BBS7: variants seen among roughly 807,000 people sequenced by gnomAD.
BBS7 encodes the protein BBSome complex member BBS7.
In BBS7, 50 loss-of-function variants were observed where a neutral mutation model predicts 90.3. The observed-to-expected ratio is 0.55, with a 90% confidence interval of 0.44 to 0.70. BBS7 has a LOEUF of 0.70. Ranked by LOEUF, BBS7 falls within the 30% of genes least tolerant of loss-of-function variation. The pLI is 0.00. For missense variants in BBS7, 729 were observed against 838.9 expected (o/e 0.87, Z 1.62); for synonymous variants, 235 against 287.4 (o/e 0.82, Z 1.85).
Position 121,870,426 on chromosome 4 carries a change from G to T in BBS7, c.-113C>A, listed in dbSNP as rs1015194177. Reference sequence around the variant, plus strand: ...GGCTGCCCGCGCCCCTCAAAAGCCAGCCCCAGCTACCGCGCCTAGGTCCTG... The same window carrying T: ...GGCTGCCCGCGCCCCTCAAAAGCCATCCCCAGCTACCGCGCCTAGGTCCTG... On this transcript the variant is annotated 5_prime_UTR_variant, in exon 1 of 19. In the 5' UTR this introduces an upstream ATG that the reference lacks. Transcript: ENST00000264499. The T allele has an allele frequency of 3.1e-6, 4 of 1,275,730 alleles. No homozygotes were observed. The highest frequency in any genetic ancestry group is 4.5e-6 in the Non-Finnish European group (4 of 886,466). 79.0% of individuals were successfully genotyped at this position (1,275,730 alleles called of 1,614,324 possible).
At chr4:121,870,198 C>T (rs1727509406) in intron 1 of BBS7, 80 bp downstream of exon 1, 1 of 1,591,656 alleles carries the variant, frequency 6.3e-7, no homozygotes, top group Non-Finnish European at 8.6e-7. Context: ...GCGACCGAGA[C>T]TTTCGTCAGT....
At chr4:121,858,485 G>C (rs1726802104) in intron 5 of BBS7, 1 of 158,996 alleles carries the variant, frequency 6.3e-6, no homozygotes, top group South Asian at 1.8e-4. Flanking sequence ...GCCAATCGTG[G>C]TTTTTACCAG....
At chr4:121,863,091 A>G in intron 3 of BBS7, 126 bp downstream of exon 3, 1 of 874,272 alleles carries the variant, frequency 1.1e-6, no homozygotes, top group Non-Finnish European at 1.9e-6. Context: ...TATCTCACAT[A>G]ACTACTTACC....
At chr4:121,857,417 C>A (rs1726742445) in intron 5 of BBS7, among the ~76,000 whole-genome samples, 1 of 152,218 alleles carries the variant, frequency 6.6e-6, no homozygotes, top group Middle Eastern at 3.4e-3. Context: ...CTGTGCCCAG[C>A]CTGTTTTATC....
At chr4:121,852,066 G>A (rs972200326) in intron 8 of BBS7, among the ~76,000 whole-genome samples, 4 of 152,218 alleles carry the variant, frequency 2.6e-5, no homozygotes, top group African/African-American at 9.6e-5. Flanking sequence ...TGCATCATTA[G>A]CAGGATGACT....
chr4:121,857,387 G>A (rs558825910), intron 5 of BBS7, among the ~76,000 whole-genome samples: 81 of 152,058 alleles, frequency 5.3e-4, no homozygotes, highest in Non-Finnish European at 9.7e-4. Flanking sequence ...CCAAAGTGCT[G>A]GGGTAATAGG....
In BBS7 at chr4:121,825,806, T is replaced by C. The variant is rs1724877369; in HGVS notation, c.*54A>G. On this transcript the variant is annotated 3_prime_UTR_variant, in exon 19 of 19. Coordinates refer to ENST00000264499, the MANE Select transcript of BBS7 (RefSeq NM_176824.3). ...ACACAGTTAACTTCTAATTCTCTTT[T>C]AACATTTTTCATTTAAACAGACCAC... is the stretch of plus-strand genomic sequence containing the variant. 1 of 1,578,980 alleles carries C rather than the reference T, an allele frequency of 6.3e-7. No individual in the cohort carries two copies. Among genetic ancestry groups the C allele is most frequent in the South Asian group, 1.1e-5 (1 of 89,094 alleles).
At chr4:121,850,252 C>A (rs1380512632) in intron 8 of BBS7, among the ~76,000 whole-genome samples, 2 of 151,806 alleles carry the variant, frequency 1.3e-5, no homozygotes, top group Non-Finnish European at 2.9e-5. Flanking sequence ...GCAGCCTGGA[C>A]CTCACAGGTT....
At position 121,828,506 on chromosome 4, in the gene BBS7, C is replaced by G; in HGVS notation, c.1787-1G>C. 10 of 1,611,272 alleles carry G rather than the reference C, an allele frequency of 6.2e-6. No homozygotes were observed. Among genetic ancestry groups the G allele is most frequent in the Non-Finnish European group, 6.8e-6 (8 of 1,177,540 alleles). On this transcript the variant is annotated splice_acceptor_variant, in intron 16 of 18. Transcript: ENST00000264499. LOFTEE classifies it high-confidence loss of function. ...TGTTTGACTGATACTTCATTTATCT[C>G]TAGAAGGAGTTGACCAGATGCAGTT... is the stretch of plus-strand genomic sequence containing the variant.
intron 15 of BBS7, among the ~76,000 whole-genome samples, chr4:121,831,097 C>T (rs960575193): frequency 4.6e-5 from 7 of 151,900 alleles, no homozygotes; most frequent in South Asian, 2.1e-4. Context: ...CCCAACTACT[C>T]GGGAGGTTGA....
At chr4:121,828,945 T>A (rs1725042134) in intron 15 of BBS7, among the ~76,000 whole-genome samples, 1 of 150,984 alleles carries the variant, frequency 6.6e-6, no homozygotes, top group African/African-American at 2.4e-5. Flanking sequence ...ACAAGATATA[T>A]GCCTCCTAAA....
At chr4:121,846,191 G>A (rs1726005027) in intron 10 of BBS7, among the ~76,000 whole-genome samples, 1 of 152,182 alleles carries the variant, frequency 6.6e-6, no homozygotes, top group Non-Finnish European at 1.5e-5. Context: ...GGGACCACAA[G>A]GATGATCATG....
chr4:121,828,160 A>C lies in BBS7; in HGVS notation c.2000T>G (p.Leu667Arg). The C allele has an allele frequency of 6.2e-7, 1 of 1,613,872 alleles. No homozygotes were observed. The highest frequency in any genetic ancestry group is 1.1e-5 in the South Asian group (1 of 91,072). The change falls in exon 18 of 19, where the codon CTT becomes CGT. Residue 667 changes from leucine to arginine, a missense_variant. Transcript: ENST00000264499. ...GGTCCACTAACCATAGAGTCTTTCA[A>C]GATGTGCAGGTTGCTTTTTGTATTC... Reference protein sequence around the residue: ...QEEYKKQPAHLERLYGMITDL... With the variant: ...QEEYKKQPAHRERLYGMITDL...
At chr4:121,845,255 CTACTCGGGA>C (rs1228714025) in intron 11 of BBS7, among the ~76,000 whole-genome samples, 6 of 152,120 alleles carry the variant, frequency 3.9e-5, no homozygotes, top group African/African-American at 1.4e-4. Context: ...GTAGTCCCAG[CTACTCGGGA>C]GGCTGAGGCA....
intron 8 of BBS7, 58 bp downstream of exon 8, chr4:121,852,898 G>A: frequency 6.5e-7 from 1 of 1,536,944 alleles, no homozygotes; most frequent in East Asian, 2.3e-5. Flanking sequence ...CAAACCATCT[G>A]TCATCTCTAT....
chr4:121,824,919 T>C lies in BBS7; in HGVS notation c.*941A>G, dbSNP rs1724837365. 1 of 152,154 alleles carries C rather than the reference T, an allele frequency of 6.6e-6. No homozygotes were observed. Among genetic ancestry groups the C allele is most frequent in the Admixed American group, 6.5e-5 (1 of 15,270 alleles). 9.4% of individuals were successfully genotyped at this position (152,154 alleles called of 1,614,324 possible). A position where few individuals can be genotyped will look rare whatever the true frequency, so the allele number is the denominator to read the frequency against. On this transcript the variant is annotated 3_prime_UTR_variant, in exon 19 of 19. Transcript: ENST00000264499. The surrounding 1 kb of genome is among the most constrained non-coding windows in gnomAD (Gnocchi z 4.1). ...TAAAGCTTATTTTCCATTATCTGTATGCCATTTTAAAACCTTTCAATATTC... is the reference window on the plus strand; with the variant it reads ...TAAAGCTTATTTTCCATTATCTGTACGCCATTTTAAAACCTTTCAATATTC...
intron 13 of BBS7, 56 bp downstream of exon 13, chr4:121,839,575 C>G: frequency 7.4e-7 from 1 of 1,347,028 alleles, no homozygotes; most frequent in Non-Finnish European, 1.1e-6. Context: ...TAAGACATAC[C>G]AGCAGGAAAA....
intron 6 of BBS7, 165 bp downstream of exon 6, chr4:121,855,321 AAAG>A: frequency 1.6e-6 from 1 of 645,038 alleles, no homozygotes; most frequent in South Asian, 1.6e-5. Flanking sequence ...GCCCCCCAAA[AAAG>A]AAAAAAACGG....
chr4:121,843,964 T>A lies in BBS7; in HGVS notation c.1268A>T (p.Asn423Ile). ...GCTGCTAAAGCTAACAACAGCAGAATTTTTATCCACATCAAGTAAATCTAT... is the reference window on the plus strand; with the variant it reads ...GCTGCTAAAGCTAACAACAGCAGAAATTTTATCCACATCAAGTAAATCTAT... ...VPIDLLDVDK[N>I]SAVVSFSSCD... The change falls in exon 12 of 19, where the codon AAT becomes ATT. Residue 423 changes from asparagine to isoleucine, a missense_variant. Coordinates refer to ENST00000264499, the MANE Select transcript of BBS7 (RefSeq NM_176824.3). 6.2e-7 allele frequency: 1 copy of A among 1,603,046 alleles called. No individual in the cohort carries two copies. Among genetic ancestry groups the A allele is most frequent in the Admixed American group, 1.7e-5 (1 of 59,274 alleles).
Sources: allele counts gnomAD v4.1 joint callset (sites outside exome capture counted in the v4.1 genomes callset), GRCh38; gene constraint gnomAD v4.1.1; non-coding constraint Gnocchi (gnomAD v3.1); transcripts MANE v1.5; gene names NCBI Gene and HGNC (gene_info 2026-07-23, HGNC 2026-07-21).